The following RUNX1 variants were observed in gnomAD, a reference collection of about 807,000 sequenced individuals.
RUNX1 encodes RUNX family transcription factor 1, also known as runt-related transcription factor 1.
Under a neutral mutation model 42.8 loss-of-function variants are expected in RUNX1, and 19 were observed. The ratio of observed to expected loss-of-function variants is 0.44; its 90% CI spans 0.31 to 0.65. The LOEUF (loss-of-function observed/expected upper bound fraction) is 0.65, where lower values mean the gene tolerates loss of function less well. Ranked by LOEUF, RUNX1 falls within the 30% of genes least tolerant of loss-of-function variation. The pLI, the probability that RUNX1 is intolerant of heterozygous loss-of-function variation, is 0.07. For missense variants in RUNX1, 528 were observed against 672.0 expected, an observed-to-expected ratio of 0.79 and a Z score of 2.37; for synonymous variants, 271 against 289.4, an observed-to-expected ratio of 0.94 and a Z score of 0.64.
At chr21:34,998,581 A>G (rs758982047) in intron 2 of RUNX1, among the ~76,000 whole-genome samples, 19 of 151,744 alleles carry the variant, frequency 1.3e-4, no homozygotes, top group East Asian at 5.8e-4. Context: ...TTGCTCTGTC[A>G]CCCAGGCTGT....
chr21:34,930,274 A>ATGTG (rs1569110348), intron 2 of RUNX1, among the ~76,000 whole-genome samples: 4 of 88,210 alleles, frequency 4.5e-5, no homozygotes, highest in African/African-American at 1.9e-4. Flanking sequence ...GTGTATGTAT[A>ATGTG]TATATATATA....
intron 2 of RUNX1, among the ~76,000 whole-genome samples, chr21:34,896,332 G>C (rs1265437981): frequency 6.6e-6 from 1 of 152,102 alleles, no homozygotes; most frequent in Non-Finnish European, 1.5e-5. Flanking sequence ...GCAGAAGAGG[G>C]AGCAACCAAG....
At chr21:35,037,999 A>G (rs1601699279) in intron 2 of RUNX1, among the ~76,000 whole-genome samples, 1 of 151,022 alleles carries the variant, frequency 6.6e-6, no homozygotes, top group South Asian at 2.1e-4. Flanking sequence ...GTTGGCGGAG[A>G]TGGCTTTCCT....
intron 7 of RUNX1, among the ~76,000 whole-genome samples, chr21:34,825,221 T>C (rs2056969798): frequency 1.3e-5 from 2 of 152,172 alleles, no homozygotes; most frequent in South Asian, 4.2e-4. Context: ...CTGGCTTTGG[T>C]CATCATGTCA....
chr21:34,931,657 CT>C (rs1290332732), intron 2 of RUNX1, among the ~76,000 whole-genome samples: 1 of 143,004 alleles, frequency 7.0e-6, no homozygotes, highest in Non-Finnish European at 1.5e-5. Context: ...GGTCCCAACT[CT>C]GATTGATTGG....
At chr21:34,942,077 C>CTGATGGATGAATTAGTG (rs2058531473) in intron 2 of RUNX1, among the ~76,000 whole-genome samples, 4 of 152,018 alleles carry the variant, frequency 2.6e-5, no homozygotes, top group African/African-American at 4.8e-5. Context: ...CATCAAATAC[C>CTGATGGATGAATTAGTG]AGATTGAATT....
In RUNX1 at chr21:35,038,338, C is replaced by A. The variant is rs1361835826; in HGVS notation, c.58+10504G>T. On this transcript the variant is annotated intron_variant, in intron 2 of 8. Coordinates refer to ENST00000675419, the MANE Select transcript of RUNX1 (RefSeq NM_001754.5). ...ATCAAAGGCAACTCGTAGAAGAAGC[C>A]CCTGGTGATAAAGAAAACACGATTC... 2.4e-5 allele frequency: 8 copies of A among 334,616 alleles called. No homozygotes were observed. The East Asian group carries it at 6.5e-4, about 27-fold the overall frequency. The allele number at this position is 334,616 out of a possible 1,614,324, so 20.7% of individuals were successfully genotyped here.
chr21:34,909,342 A>C (rs548141787), intron 2 of RUNX1, among the ~76,000 whole-genome samples: 4 of 152,264 alleles, frequency 2.6e-5, no homozygotes, highest in African/African-American at 9.6e-5. Context: ...ATATCTTTTA[A>C]ATGTGGAAAA....
At chr21:34,800,133 T>A (rs1473073136) in intron 7 of RUNX1, among the ~76,000 whole-genome samples, 1 of 152,192 alleles carries the variant, frequency 6.6e-6, no homozygotes, top group Non-Finnish European at 1.5e-5. Context: ...TTGCAACTTT[T>A]AAAAGTCAGA....
intron 5 of RUNX1, among the ~76,000 whole-genome samples, chr21:34,861,240 T>C (rs1216218634): frequency 6.6e-6 from 1 of 152,194 alleles, no homozygotes; most frequent in South Asian, 2.1e-4. Flanking sequence ...GGCATCTAGC[T>C]GAAGGAGAGG....
intron 7 of RUNX1, among the ~76,000 whole-genome samples, chr21:34,818,766 A>G (rs1456942898): frequency 6.6e-6 from 1 of 152,258 alleles, no homozygotes; most frequent in Non-Finnish European, 1.5e-5. Context: ...GACTGTCTGC[A>G]GATCATACCC....
intron 2 of RUNX1, among the ~76,000 whole-genome samples, chr21:34,981,665 T>A (rs981846552): frequency 1.3e-5 from 2 of 152,250 alleles, no homozygotes; most frequent in African/African-American, 4.8e-5. Flanking sequence ...TTTCCTGCCA[T>A]ATTGGTAACT....
intron 7 of RUNX1, among the ~76,000 whole-genome samples, chr21:34,819,187 A>C (rs2056872950): frequency 6.6e-6 from 1 of 152,182 alleles, no homozygotes; most frequent in African/African-American, 2.4e-5. Flanking sequence ...AGCACCATTG[A>C]ATGCTGTTTC....
At chr21:34,950,904 C>G (rs1278682517) in intron 2 of RUNX1, among the ~76,000 whole-genome samples, 2 of 152,182 alleles carry the variant, frequency 1.3e-5, no homozygotes, top group Non-Finnish European at 2.9e-5. Context: ...TGACACTCTG[C>G]AGAATCCCAG....
At chr21:35,046,161 C>T (rs2059394723) in intron 2 of RUNX1, among the ~76,000 whole-genome samples, 2 of 152,150 alleles carry the variant, frequency 1.3e-5, no homozygotes, top group South Asian at 4.2e-4. Flanking sequence ...TGTCTTCCTT[C>T]CTAAGCAAAT....
chr21:34,957,765 G>A (rs949926350), intron 2 of RUNX1, among the ~76,000 whole-genome samples: 1 of 152,218 alleles, frequency 6.6e-6, no homozygotes, highest in Non-Finnish European at 1.5e-5. Context: ...TTTATAAACT[G>A]AAGTGTTCTT....
chr21:34,930,701 A>ACT (rs1820778487), intron 2 of RUNX1, among the ~76,000 whole-genome samples: 1 of 104,912 alleles, frequency 9.5e-6, no homozygotes, highest in African/African-American at 4.0e-5. Flanking sequence ...CCACACACAC[A>ACT]CACTCTCTCT....
intron 2 of RUNX1, among the ~76,000 whole-genome samples, chr21:34,996,412 C>T (rs73900763): frequency 0.15 from 22,073 of 151,948 alleles, 1,771 homozygotes; most frequent in Admixed American, 0.22. Flanking sequence ...GGAGATCTAT[C>T]AGAAGAGAGC....
At chr21:34,902,143 A>G (rs2834663) in intron 2 of RUNX1, among the ~76,000 whole-genome samples, 29,141 of 152,170 alleles carry the variant, frequency 0.19, 3,923 homozygotes, top group African/African-American at 0.38. Context: ...CCCAAACAGA[A>G]TCATTTATTT....
Sources: allele counts gnomAD v4.1 joint callset (sites outside exome capture counted in the v4.1 genomes callset), GRCh38; gene constraint gnomAD v4.1.1; transcripts MANE v1.5; gene names NCBI Gene and HGNC (gene_info 2026-07-23, HGNC 2026-07-21).